The following USP40 variants were observed in gnomAD, a reference collection of about 807,000 sequenced individuals.
USP40 encodes ubiquitin carboxyl-terminal hydrolase 40.
USP40 carries 143 observed loss-of-function variants against 166.2 expected under a neutral mutation model. That is an observed-to-expected ratio of 0.86 (90% confidence interval 0.75 to 0.99). USP40 has a LOEUF of 0.99. Among genes scored for constraint, USP40 ranks in the 50% least tolerant of loss-of-function variants. The probability of loss-of-function intolerance (pLI) is 0.00; values close to 1 mark genes in which losing one functional copy is unlikely to be tolerated. For synonymous variants in USP40, 498 were observed against 524.0 expected (o/e 0.95, Z 0.68); for missense variants, 1,444 against 1,479.7 (o/e 0.98, Z 0.40).
rs202051951 is a variant in USP40 at position 233,554,511 on chromosome 2, G to C, written c.562C>G (p.Leu188Val). ...VSERQEDFLDLTVAVKNVSGL... is the reference protein window; with the variant it reads ...VSERQEDFLDVTVAVKNVSGL... ...GATACATTTTTGACTGCTACTGTTA[G>C]ATCTAAGAAGTCTTCCTGAAATAGA... Residue 188 changes from leucine (L) to valine (V), a missense_variant, in exon 6 of 32, where the codon CTA (leucine) becomes GTA (valine). Coordinates refer to ENST00000678225, the MANE Select transcript of USP40 (RefSeq NM_001365479.2). 1.2e-3 allele frequency: 1,874 copies of C among 1,606,334 alleles called. 2 individuals are homozygous for C. Among genetic ancestry groups the C allele is most frequent in the Non-Finnish European group, 1.5e-3 (1,801 of 1,177,600 alleles).
chr2:233,511,647 C>CT, intron 20 of USP40, 62 bp downstream of exon 20: 15 of 1,284,862 alleles, frequency 1.2e-5, no homozygotes, highest in Non-Finnish European at 1.6e-5. Flanking sequence ...AGCTAAGGTA[C>CT]TAGTTATAAT....
At chr2:233,506,453 A>T (rs1469895152) in intron 21 of USP40, among the ~76,000 whole-genome samples, 2 of 152,194 alleles carry the variant, frequency 1.3e-5, no homozygotes, top group Non-Finnish European at 1.5e-5. Context: ...AATTTTTAAA[A>T]TAAGCTTTGG....
In USP40 at chr2:233,540,739, G is replaced by A. The variant is rs747656330; in HGVS notation, c.1093C>T (p.Leu365=). 5 of 1,613,324 alleles carry A rather than the reference G, an allele frequency of 3.1e-6. No individual in the cohort carries two copies. The highest frequency in any genetic ancestry group is 8.5e-7 in the Non-Finnish European group (1 of 1,179,552). ...ATCTTTTTCAAAAGTTTCTGGCCCA[G>A]CTGATCAACAGGAATTAGATTATTC... The part of the protein sequence containing the change: ...EENNLIPVDQ[L]GQKLLKKIGI... The change falls in exon 10 of 32, where the codon CTG becomes TTG. Residue 365 remains leucine, a synonymous_variant. Transcript: ENST00000678225.
chr2:233,560,499 T>A (rs933125396), intron 3 of USP40, among the ~76,000 whole-genome samples: 2 of 152,174 alleles, frequency 1.3e-5, no homozygotes, highest in African/African-American at 4.8e-5. Flanking sequence ...GACATTCCCA[T>A]GGCATTTTTA....
chr2:233,533,232 A>G (rs909742046), intron 11 of USP40, among the ~76,000 whole-genome samples: 3 of 152,172 alleles, frequency 2.0e-5, no homozygotes, highest in Non-Finnish European at 2.9e-5. Context: ...AGGAAATCCA[A>G]TTTTGAAAAT....
chr2:233,554,737 G>T (rs2070895941), intron 5 of USP40, among the ~76,000 whole-genome samples: 1 of 151,970 alleles, frequency 6.6e-6, no homozygotes, highest in Admixed American at 6.6e-5. Context: ...AAATCTATCA[G>T]AAAAATATAA....
At chr2:233,525,020 G>A (rs2067918347) in intron 14 of USP40, among the ~76,000 whole-genome samples, 2 of 152,122 alleles carry the variant, frequency 1.3e-5, no homozygotes, top group African/African-American at 2.4e-5. Flanking sequence ...TGTTACTGCC[G>A]CTACTGTTAA....
intron 7 of USP40, 51 bp downstream of exon 7, chr2:233,551,325 T>C (rs1362900252): frequency 1.1e-5 from 17 of 1,544,132 alleles, no homozygotes; most frequent in Non-Finnish European, 1.4e-5. Context: ...CAATAATAGA[T>C]TCAATCTTGA....
In USP40 at chr2:233,533,424, G is replaced by C. The variant is rs976707910; in HGVS notation, c.1471+55C>G. 23 of 1,516,882 alleles carry C rather than the reference G, an allele frequency of 1.5e-5. No homozygotes were observed. In the Admixed American group the frequency reaches 4.7e-4, roughly 31 times the overall value. The allele number at this position is 1,516,882 out of a possible 1,614,324, so 94.0% of individuals were successfully genotyped here. A position where few individuals can be genotyped will look rare whatever the true frequency, so the allele number is the denominator to read the frequency against. The stretch of plus-strand genomic sequence containing the variant: ...AATAAAAATTCAAACAGCATTCCAT[G>C]TTTATCTTCTAAAGCCATTAACTGA... On this transcript the variant is annotated intron_variant, in intron 11 of 31. Transcript: ENST00000678225.
In USP40 at chr2:233,475,750, A is replaced by G. The variant is rs1357845134; in HGVS notation, c.*1642T>C. On this transcript the variant is annotated 3_prime_UTR_variant, in exon 32 of 32. Transcript: ENST00000678225. ...GAGGCTTCTGGCCTCTCGAAGGCAA[A>G]GCTTTTCAGCGATTTCATTAATATT... 1 of 152,380 alleles carries G rather than the reference A, an allele frequency of 6.6e-6. No individual in the cohort carries two copies. The highest frequency in any genetic ancestry group is 2.4e-5 in the African/African-American group (1 of 41,474). The allele number at this position is 152,380 out of a possible 1,614,324, so 9.4% of individuals were successfully genotyped here.
At chr2:233,536,886 T>G (rs1486044520) in intron 10 of USP40, among the ~76,000 whole-genome samples, 1 of 151,880 alleles carries the variant, frequency 6.6e-6, no homozygotes, top group Non-Finnish European at 1.5e-5. Flanking sequence ...GTTTTTTTGT[T>G]TCCTTTTTTT....
At chr2:233,497,027 G>C (rs182754699) in intron 23 of USP40, among the ~76,000 whole-genome samples, 195 bp from the exon 24 acceptor site, 21 of 152,330 alleles carry the variant, frequency 1.4e-4, no homozygotes, top group Admixed American at 5.2e-4. Context: ...GGCATAAGCT[G>C]TAAGTCTGAC....
intron 2 of USP40, among the ~76,000 whole-genome samples, chr2:233,564,415 G>A (rs1430710692): frequency 3.9e-5 from 6 of 152,108 alleles, no homozygotes; most frequent in Non-Finnish European, 8.8e-5. Flanking sequence ...CTGAGCTCAC[G>A]GGAACACAGC....
rs750648607 is a variant in USP40, at chr2:233,485,816, A to G, written c.3359T>C (p.Ile1120Thr). Reference sequence around the variant, plus strand: ...GAACTTTTCGGGAAAGTATTTGGCAATTTCAATCTTCTCCACGGGAAGACG... The same window carrying G: ...GAACTTTTCGGGAAAGTATTTGGCAGTTTCAATCTTCTCCACGGGAAGACG... Reference protein sequence around the residue: ...FYRLPVEKIEIAKYFPEKFEW... With the variant: ...FYRLPVEKIETAKYFPEKFEW... The change falls in exon 29 of 32, where the codon ATT (isoleucine) becomes ACT (threonine). Residue 1120 changes from isoleucine to threonine, a missense_variant. Physicochemically the swap from Ile to Thr is moderately conservative, Grantham distance 89. Coordinates refer to ENST00000678225, the MANE Select transcript of USP40 (RefSeq NM_001365479.2). 4 of 1,612,142 alleles carry G rather than the reference A, an allele frequency of 2.5e-6. No homozygotes were observed. Among genetic ancestry groups the G allele is most frequent in the Non-Finnish European group, 3.4e-6 (4 of 1,179,416 alleles).
intron 13 of USP40, among the ~76,000 whole-genome samples, 183 bp from the exon 14 acceptor site, chr2:233,525,745 A>G (rs750697930): frequency 4.1e-4 from 62 of 152,354 alleles, no homozygotes; most frequent in Non-Finnish European, 7.2e-4. Context: ...AGTCAAAGCC[A>G]AAGACGGCTA....
intron 21 of USP40, among the ~76,000 whole-genome samples, chr2:233,506,319 C>T (rs549304885): frequency 9.2e-5 from 14 of 152,212 alleles, no homozygotes; most frequent in African/African-American, 3.4e-4. Flanking sequence ...AGACTAGATT[C>T]CCTAACTCTC....
intron 23 of USP40, 47 bp from the exon 24 acceptor site, chr2:233,496,879 A>G (rs2065777984): frequency 1.4e-6 from 2 of 1,463,794 alleles, no homozygotes; most frequent in Non-Finnish European, 1.9e-6. Context: ...TTCTGAAAGG[A>G]GCAGATCATT....
chr2:233,540,662 C>T lies in USP40; in HGVS notation c.1170G>A (p.Lys390=). 1.2e-6 allele frequency: 2 copies of T among 1,604,422 alleles called. No individual in the cohort carries two copies. Among genetic ancestry groups the T allele is most frequent in the Non-Finnish European group, 1.7e-6 (2 of 1,173,324 alleles). The part of the protein sequence containing the change: ...KYRKQHGPLR[K]FLQLHSQIFL... ...TTCCCAAAACGATGCCATGTATTACCTTCCGCAGTGGTCCATGCTGTTTTC... is the reference window on the plus strand; with the variant it reads ...TTCCCAAAACGATGCCATGTATTACTTTCCGCAGTGGTCCATGCTGTTTTC... Residue 390 remains lysine, a splice_region_variant and synonymous_variant, in exon 10 of 32, where the codon AAG becomes AAA. Transcript: ENST00000678225.
intron 9 of USP40, among the ~76,000 whole-genome samples, chr2:233,541,901 C>CA (rs1343161406): frequency 2.6e-5 from 4 of 151,852 alleles, no homozygotes; most frequent in Non-Finnish European, 5.9e-5. Flanking sequence ...CAATAATAGC[C>CA]AAAAAAGTCA....
Sources: allele counts gnomAD v4.1 joint callset (sites outside exome capture counted in the v4.1 genomes callset), GRCh38; gene constraint gnomAD v4.1.1; transcripts MANE v1.5; gene names NCBI Gene and HGNC (gene_info 2026-07-23, HGNC 2026-07-21).